Variants in DENND1B observed in about 807,000 individuals in gnomAD.
The protein encoded by DENND1B is DENN domain-containing protein 1B.
A neutral mutation model predicts 90.1 loss-of-function variants in DENND1B; 59 were observed. That is an observed-to-expected ratio of 0.65 (90% CI 0.53 to 0.81). DENND1B has a LOEUF of 0.81. Ranked by LOEUF, DENND1B falls within the 40% of genes least tolerant of loss-of-function variation. The pLI is 0.00. For synonymous variants in DENND1B, 337 were observed against 324.6 expected (o/e 1.04, Z -0.41); for missense variants, 862 against 912.6 (o/e 0.94, Z 0.71).
At chr1:197,515,799 C>A (rs1206544721) in intron 20 of DENND1B, among the ~76,000 whole-genome samples, 1 of 151,702 alleles carries the variant, frequency 6.6e-6, no homozygotes, top group African/African-American at 2.4e-5. Context: ...GGAGTTATTC[C>A]AAGAGAAGTA....
At chr1:197,647,246 T>C (rs1680803370) in intron 7 of DENND1B, 132 bp from the exon 8 acceptor site, 1 of 441,402 alleles carries the variant, frequency 2.3e-6, no homozygotes, top group South Asian at 8.1e-5. Context: ...TAATACTAAT[T>C]ATAAGTATTA....
intron 13 of DENND1B, chr1:197,605,660 GAT>G (rs1233143729): frequency 2.0e-5 from 3 of 150,858 alleles, no homozygotes; most frequent in African/African-American, 7.3e-5. Flanking sequence ...ATTTCTTTGT[GAT>G]TTTGTTTTTG....
At chr1:197,567,791 G>A (rs1672804606) in intron 15 of DENND1B, among the ~76,000 whole-genome samples, 1 of 152,002 alleles carries the variant, frequency 6.6e-6, no homozygotes, top group African/African-American at 2.4e-5. Flanking sequence ...AACAAATTAT[G>A]TATAAAATAA....
At chr1:197,560,628 C>G (rs1170348203) in intron 15 of DENND1B, among the ~76,000 whole-genome samples, 1 of 151,782 alleles carries the variant, frequency 6.6e-6, no homozygotes, top group Non-Finnish European at 1.5e-5. Flanking sequence ...GGAGTAGGAA[C>G]AGGCAGGTAC....
intron 3 of DENND1B, among the ~76,000 whole-genome samples, chr1:197,707,686 A>C (rs970113689): frequency 6.8e-6 from 1 of 146,804 alleles, no homozygotes; most frequent in Non-Finnish European, 1.5e-5. Flanking sequence ...AATATAATAT[A>C]ATATAATATA....
intron 2 of DENND1B, among the ~76,000 whole-genome samples, chr1:197,761,268 AAT>A (rs1336440021): frequency 2.0e-5 from 3 of 152,188 alleles, no homozygotes; most frequent in Non-Finnish European, 2.9e-5. Flanking sequence ...TTGCTCTTTT[AAT>A]ATGAGTAAAA....
chr1:197,544,034 A>T (rs1670535204), intron 18 of DENND1B, among the ~76,000 whole-genome samples: 1 of 152,180 alleles, frequency 6.6e-6, no homozygotes, highest in Non-Finnish European at 1.5e-5. Flanking sequence ...ATTTTAAAAA[A>T]TTTATTGAAC....
chr1:197,543,872 G>T (rs1252603636), intron 18 of DENND1B, among the ~76,000 whole-genome samples: 2 of 152,072 alleles, frequency 1.3e-5, no homozygotes, highest in African/African-American at 4.8e-5. Context: ...AGGAATAACA[G>T]AAGTTCTAAA....
At chr1:197,606,914 T>C (rs1572046421) in intron 13 of DENND1B, 159 bp downstream of exon 13, 2 of 593,244 alleles carry the variant, frequency 3.4e-6, no homozygotes, top group East Asian at 3.0e-5. Flanking sequence ...TGCTAAAAGG[T>C]AAAAATATTA....
chr1:197,774,901 C>T (rs1163878182), intron 1 of DENND1B, among the ~76,000 whole-genome samples: 1 of 152,222 alleles, frequency 6.6e-6, no homozygotes, highest in East Asian at 1.9e-4. Flanking sequence ...GTGGCCTCTC[C>T]GGGAGGAGCC....
chr1:197,760,193 G>A (rs1311233854), intron 2 of DENND1B, among the ~76,000 whole-genome samples: 1 of 152,126 alleles, frequency 6.6e-6, no homozygotes, highest in Non-Finnish European at 1.5e-5. Flanking sequence ...CATTTTTAAT[G>A]CTTTGATCAA....
rs753211796 is a variant in DENND1B at position 197,642,726 on chromosome 1, C to T, written c.657G>A (p.Ser219=). The T allele has an allele frequency of 1.9e-5, 30 of 1,612,622 alleles. No individual in the cohort carries two copies. The highest frequency in any genetic ancestry group is 1.4e-4 in the South Asian group (13 of 90,828). Residue 219 remains serine (S), a synonymous_variant, in exon 10 of 23, where the codon TCG becomes TCA. Transcript: ENST00000620048. ...MLHERRIVII[S]SKLSTLTACI... ...AAGTACTTACAGTGCTTAATTTGCTCGAGATAATCACGATGCGCCTTTCAT... is the reference window on the plus strand; with the variant it reads ...AAGTACTTACAGTGCTTAATTTGCTTGAGATAATCACGATGCGCCTTTCAT...
chr1:197,727,946 T>G (rs1661797907), intron 2 of DENND1B, among the ~76,000 whole-genome samples: 1 of 152,198 alleles, frequency 6.6e-6, no homozygotes, highest in South Asian at 2.1e-4. Context: ...CAGAAGATAA[T>G]TTAACTCTTT....
chr1:197,757,867 A>T (rs1051458808), intron 2 of DENND1B, among the ~76,000 whole-genome samples: 12 of 152,156 alleles, frequency 7.9e-5, no homozygotes, highest in Non-Finnish European at 1.5e-4. Flanking sequence ...CCTCTCAACT[A>T]ATATTTCCTT....
chr1:197,681,089 C>G (rs1439993442), intron 3 of DENND1B, among the ~76,000 whole-genome samples: 1 of 151,984 alleles, frequency 6.6e-6, no homozygotes, highest in Non-Finnish European at 1.5e-5. Flanking sequence ...ATTAAAGGTC[C>G]TGTGTCCAAT....
chr1:197,597,623 A>T (rs1178987990), intron 13 of DENND1B, among the ~76,000 whole-genome samples: 1 of 151,834 alleles, frequency 6.6e-6, no homozygotes, highest in Non-Finnish European at 1.5e-5. Flanking sequence ...ATTATACCAG[A>T]TCCTTGACTG....
At chr1:197,561,666 T>A (rs1672176184) in intron 15 of DENND1B, among the ~76,000 whole-genome samples, 2 of 151,768 alleles carry the variant, frequency 1.3e-5, no homozygotes, top group South Asian at 4.1e-4. Context: ...ATATCTTGAC[T>A]TAATATGTCT....
intron 15 of DENND1B, among the ~76,000 whole-genome samples, chr1:197,564,032 G>C (rs571069167): frequency 5.9e-5 from 9 of 151,912 alleles, no homozygotes; most frequent in African/African-American, 2.2e-4. Context: ...TTGAACAGAT[G>C]AGGAGTTACT....
Position 197,645,744 on chromosome 1 carries a change from C to T in DENND1B, c.508-1G>A. On this transcript the variant is annotated splice_acceptor_variant, in intron 8 of 22. Transcript: ENST00000620048. LOFTEE classifies it high-confidence loss of function. ...CATCAGGGGCAATGAAGTAGGAATG[C>T]TAATCAATACAAATAAATCACATAT... 5 of 1,558,028 alleles carry T rather than the reference C, an allele frequency of 3.2e-6. No individual in the cohort carries two copies. Among genetic ancestry groups the T allele is most frequent in the Non-Finnish European group, 4.3e-6 (5 of 1,151,298 alleles).
Sources: allele counts gnomAD v4.1 joint callset (sites outside exome capture counted in the v4.1 genomes callset), GRCh38; gene constraint gnomAD v4.1.1; transcripts MANE v1.5; gene names NCBI Gene and HGNC (gene_info 2026-07-23, HGNC 2026-07-21).